Variants in TUSC3 observed in about 807,000 individuals in gnomAD.
The protein encoded by TUSC3 is tumor suppressor candidate 3, also known as dolichyl-diphosphooligosaccharide--protein glycosyltransferase subunit TUSC3.
TUSC3 carries 45 observed loss-of-function variants against 44.8 expected under a neutral mutation model. The ratio of observed to expected loss-of-function variants is 1.00; its 90% CI spans 0.79 to 1.29. The LOEUF is 1.29. Ranked by LOEUF, TUSC3 falls within the 50% of genes most tolerant of loss-of-function variation. The probability of loss-of-function intolerance (pLI) is 0.00; values close to 1 mark genes in which losing one functional copy is unlikely to be tolerated. For missense variants in TUSC3, 519 were observed against 437.9 expected, an observed-to-expected ratio of 1.19 and a Z score of -1.65; for synonymous variants, 212 against 152.9, an observed-to-expected ratio of 1.39 and a Z score of -2.85.
At chr8:15,667,953 A>C (rs1162670741) in intron 5 of TUSC3, among the ~76,000 whole-genome samples, 6 of 151,694 alleles carry the variant, frequency 4.0e-5, no homozygotes, top group African/African-American at 1.4e-4. Flanking sequence ...TTAAAGGAGG[A>C]TGCCTTGAGC....
chr8:15,598,087 T>C (rs1350187861), intron 1 of TUSC3, among the ~76,000 whole-genome samples: 1 of 151,978 alleles, frequency 6.6e-6, no homozygotes. Flanking sequence ...TCTTTAAGAG[T>C]TTCCAGTTGA....
At chr8:15,617,248 T>A (rs1056260654) in intron 1 of TUSC3, among the ~76,000 whole-genome samples, 50 of 151,286 alleles carry the variant, frequency 3.3e-4, no homozygotes, top group African/African-American at 1.2e-3. Context: ...CAAGTGATTC[T>A]CCTGCTTCAG....
intron 10 of TUSC3, 36 bp from the exon 11 acceptor site, chr8:15,764,167 T>C (rs1325762402): frequency 1.3e-6 from 2 of 1,567,820 alleles, no homozygotes; most frequent in East Asian, 2.3e-5. Flanking sequence ...CCTTATGTTC[T>C]ATGTTCAGCA....
At chr8:15,501,657 C>T (rs1014674494) in intron 2 of TUSC3, among the ~76,000 whole-genome samples, 1 of 152,140 alleles carries the variant, frequency 6.6e-6, no homozygotes, top group African/African-American at 2.4e-5. Flanking sequence ...CAAGCAGTTT[C>T]GTCAGAGGCT....
chr8:15,442,528 T>A (rs1354850014), intron 1 of TUSC3, among the ~76,000 whole-genome samples: 2 of 152,188 alleles, frequency 1.3e-5, no homozygotes, highest in African/African-American at 4.8e-5. Context: ...GTTTACTTTC[T>A]TACTAAAATA....
chr8:15,650,594 C>G (rs1241713924), intron 2 of TUSC3, 103 bp from the exon 3 acceptor site: 3 of 914,102 alleles, frequency 3.3e-6, no homozygotes, highest in Non-Finnish European at 3.6e-6. Flanking sequence ...ACAGTCTGTA[C>G]AAAAACTGGC....
intron 1 of TUSC3, among the ~76,000 whole-genome samples, chr8:15,475,125 GTTA>G (rs1309379232): frequency 1.1e-4 from 16 of 152,196 alleles, no homozygotes; most frequent in Non-Finnish European, 1.6e-4. Context: ...TTATTGAGCA[GTTA>G]TTATGCTCTG....
chr8:15,782,026 T>C, the TUSC3 span, among the ~76,000 whole-genome samples: 2 of 152,104 alleles, frequency 1.3e-5, no homozygotes, highest in South Asian at 4.1e-4. Flanking sequence ...TCCCAGCTAC[T>C]TGGGAGGCTG....
At chr8:15,642,853 C>G (rs1017781833) in intron 2 of TUSC3, among the ~76,000 whole-genome samples, 9 of 152,152 alleles carry the variant, frequency 5.9e-5, no homozygotes, top group African/African-American at 2.2e-4. Flanking sequence ...GCCTGTATGT[C>G]TTACCTCTTC....
At chr8:15,740,519 A>G (rs1380600959) in intron 7 of TUSC3, among the ~76,000 whole-genome samples, 1 of 149,038 alleles carries the variant, frequency 6.7e-6, no homozygotes, top group Non-Finnish European at 1.5e-5. Flanking sequence ...AAACGGGAGG[A>G]AAAAAAAAGA....
At chr8:15,731,011 A>G (rs1023263878) in intron 7 of TUSC3, among the ~76,000 whole-genome samples, 2 of 152,020 alleles carry the variant, frequency 1.3e-5, no homozygotes, top group African/African-American at 4.8e-5. Flanking sequence ...GATTTTTTCA[A>G]GTGTATATGG....
intron 1 of TUSC3, among the ~76,000 whole-genome samples, chr8:15,564,183 A>C (rs557887205): frequency 5.9e-5 from 9 of 152,278 alleles, no homozygotes; most frequent in African/African-American, 2.2e-4. Context: ...AAAAATCATT[A>C]GAAACTTCGT....
At chr8:15,494,320 C>CTT (rs71211045) in intron 2 of TUSC3, among the ~76,000 whole-genome samples, 3,383 of 136,526 alleles carry the variant, frequency 0.025, 117 homozygotes, top group African/African-American at 0.064. Flanking sequence ...CTCTCATCTT[C>CTT]TTTTTTTTTT....
chr8:15,597,425 C>A (rs1219356954), intron 1 of TUSC3, among the ~76,000 whole-genome samples: 1 of 152,034 alleles, frequency 6.6e-6, no homozygotes, highest in African/African-American at 2.4e-5. Flanking sequence ...GTATGTCTTT[C>A]GGTTATGCTT....
intron 9 of TUSC3, among the ~76,000 whole-genome samples, chr8:15,751,229 T>C (rs1010082340): frequency 2.6e-5 from 4 of 152,076 alleles, no homozygotes; most frequent in Non-Finnish European, 5.9e-5. Context: ...GAGAGAGATA[T>C]GGAGAAGCAA....
Position 15,610,177 on chromosome 8 carries a change from T to C in TUSC3, c.139-12903T>C, listed in dbSNP as rs574114297. ...TGTTTTTATGAGGGGCTTTGCGTTT[T>C]AGGCACTGGATTTATTTCATAGCAT... is the stretch of plus-strand genomic sequence containing the variant. On this transcript the variant is annotated intron_variant, in intron 1 of 10. Coordinates refer to ENST00000503731, the MANE Select transcript of TUSC3 (RefSeq NM_006765.4). 2.6e-5 allele frequency among the ~76,000 whole-genome samples: 4 copies of C among 152,194 alleles called. No homozygotes were observed. In the South Asian group the frequency reaches 6.2e-4, roughly 24 times the overall value.
At chr8:15,500,855 C>T (rs1800952645) in intron 2 of TUSC3, among the ~76,000 whole-genome samples, 1 of 152,140 alleles carries the variant, frequency 6.6e-6, no homozygotes, top group Non-Finnish European at 1.5e-5. Context: ...TCTCAGTTTT[C>T]TTTCTTTCAA....
chr8:15,575,588 G>A (rs1803068198), intron 1 of TUSC3, among the ~76,000 whole-genome samples: 1 of 152,064 alleles, frequency 6.6e-6, no homozygotes, highest in African/African-American at 2.4e-5. Context: ...CCAACATGGT[G>A]AAAACCCGTC....
intron 1 of TUSC3, among the ~76,000 whole-genome samples, chr8:15,424,562 C>T (rs1799780957): frequency 6.6e-6 from 1 of 152,130 alleles, no homozygotes; most frequent in African/African-American, 2.4e-5. Context: ...CCATCATGAG[C>T]CTTACGGATG....
Sources: allele counts gnomAD v4.1 joint callset (sites outside exome capture counted in the v4.1 genomes callset), GRCh38; gene constraint gnomAD v4.1.1; transcripts MANE v1.5; gene names NCBI Gene and HGNC (gene_info 2026-07-23, HGNC 2026-07-21).